The following GIGYF2 variants were observed in gnomAD, a reference collection of about 807,000 sequenced individuals.
GIGYF2 encodes GRB10-interacting GYF protein 2.
In GIGYF2, 25 loss-of-function variants were observed where a neutral mutation model predicts 208.1. The ratio of observed to expected loss-of-function variants is 0.12; its 90% CI spans 0.09 to 0.17. GIGYF2 has a LOEUF of 0.17. Ranked by LOEUF, GIGYF2 falls within the 10% of genes least tolerant of loss-of-function variation. The pLI is 1.00. For synonymous variants in GIGYF2, 534 were observed against 543.8 expected (o/e 0.98, Z 0.25); for missense variants, 1,302 against 1,579.4 (o/e 0.82, Z 2.98).
intron 8 of GIGYF2, among the ~76,000 whole-genome samples, chr2:232,781,510 C>T (rs191368172): frequency 7.2e-5 from 11 of 151,918 alleles, no homozygotes; most frequent in Admixed American, 5.9e-4. Context: ...CTGAAGTCAC[C>T]TTCTAAATAA....
intron 14 of GIGYF2, among the ~76,000 whole-genome samples, chr2:232,802,394 A>G (rs1187930658): frequency 1.3e-5 from 2 of 152,112 alleles, no homozygotes; most frequent in South Asian, 2.1e-4. Context: ...TGGGATTTTT[A>G]TATATGACTT....
intron 6 of GIGYF2, among the ~76,000 whole-genome samples, chr2:232,757,655 G>A (rs963531275): frequency 6.6e-6 from 1 of 151,998 alleles, no homozygotes. Context: ...TTGTACTTGG[G>A]CAGCTTTGCC....
intron 21 of GIGYF2, among the ~76,000 whole-genome samples, chr2:232,832,512 G>T (rs541136924): frequency 6.6e-6 from 1 of 152,280 alleles, no homozygotes; most frequent in East Asian, 1.9e-4. Flanking sequence ...AGCTCTTAGC[G>T]CTCAGCACCC....
intron 15 of GIGYF2, among the ~76,000 whole-genome samples, chr2:232,808,305 A>G (rs922770032): frequency 2.0e-5 from 3 of 152,230 alleles, no homozygotes; most frequent in African/African-American, 7.2e-5. Context: ...TTTTGATCTT[A>G]CACATCTCAG....
At chr2:232,735,698 G>T in intron 3 of GIGYF2, 2 of 989,484 alleles carry the variant, frequency 2.0e-6, no homozygotes, top group Non-Finnish European at 2.4e-6. Context: ...GTTAACAGTA[G>T]CCTATCTAGG....
intron 3 of GIGYF2, among the ~76,000 whole-genome samples, chr2:232,745,765 A>G (rs1698128478): frequency 6.6e-6 from 1 of 152,208 alleles, no homozygotes; most frequent in African/African-American, 2.4e-5. Context: ...AAATTACTGC[A>G]AGTATCACAA....
At chr2:232,839,992 G>A in intron 23 of GIGYF2, 21 bp downstream of exon 23, 1 of 1,611,712 alleles carries the variant, frequency 6.2e-7, no homozygotes, top group Non-Finnish European at 8.5e-7. Flanking sequence ...AAAGTAAAAG[G>A]GATCTAGTCA....
At chr2:232,821,670 A>G (rs918795122) in intron 21 of GIGYF2, among the ~76,000 whole-genome samples, 4 of 152,174 alleles carry the variant, frequency 2.6e-5, no homozygotes, top group African/African-American at 9.6e-5. Context: ...TCTTTTGATA[A>G]GCAGAGATTT....
chr2:232,844,012 G>A, intron 23 of GIGYF2, 34 bp from the exon 24 acceptor site: 5 of 1,598,312 alleles, frequency 3.1e-6, no homozygotes, highest in Non-Finnish European at 4.3e-6. Context: ...CTAAAAACAG[G>A]AATCCTCAGC....
At chr2:232,780,908 C>G (rs1699690966) in intron 8 of GIGYF2, among the ~76,000 whole-genome samples, 1 of 152,054 alleles carries the variant, frequency 6.6e-6, no homozygotes, top group South Asian at 2.1e-4. Flanking sequence ...ATGTCATCTT[C>G]TAAACTGCCC....
chr2:232,852,811 G>C (rs921625906), intron 28 of GIGYF2, among the ~76,000 whole-genome samples: 19 of 152,318 alleles, frequency 1.2e-4, no homozygotes, highest in Middle Eastern at 6.8e-3. Flanking sequence ...CTTGAGGATA[G>C]GCTGTTAGGG....
chr2:232,724,320 CG>C (rs570928463), intron 2 of GIGYF2, among the ~76,000 whole-genome samples: 2 of 148,918 alleles, frequency 1.3e-5, no homozygotes, highest in Non-Finnish European at 3.0e-5. Flanking sequence ...GGCCTCCTAA[CG>C]TGCTGGGATT....
intron 2 of GIGYF2, among the ~76,000 whole-genome samples, chr2:232,713,278 A>G (rs1013572755): frequency 2.6e-5 from 4 of 152,130 alleles, no homozygotes; most frequent in African/African-American, 9.7e-5. Flanking sequence ...GGGTTTCACC[A>G]TGTTGGCCAA....
At chr2:232,811,200 A>G in intron 16 of GIGYF2, 44 bp from the exon 17 acceptor site, 1 of 1,014,440 alleles carries the variant, frequency 9.9e-7, no homozygotes, top group Non-Finnish European at 1.6e-6. Flanking sequence ...CATGTGAACT[A>G]AGTGTGGATT....
At chr2:232,713,343 G>A (rs1473053453) in intron 2 of GIGYF2, among the ~76,000 whole-genome samples, 1 of 152,188 alleles carries the variant, frequency 6.6e-6, no homozygotes, top group Non-Finnish European at 1.5e-5. Flanking sequence ...CTCCCAAAGT[G>A]CTGGGATTAC....
chr2:232,711,104 A>T (rs1194594561), intron 2 of GIGYF2, among the ~76,000 whole-genome samples: 5 of 144,160 alleles, frequency 3.5e-5, no homozygotes, highest in African/African-American at 5.1e-5. Flanking sequence ...TTATTTGTTA[A>T]TTTTTTTTTT....
At chr2:232,819,666 T>A (rs941222165) in intron 20 of GIGYF2, among the ~76,000 whole-genome samples, 161 bp from the exon 21 acceptor site, 16 of 152,188 alleles carry the variant, frequency 1.1e-4, no homozygotes, top group Admixed American at 3.3e-4. Context: ...TTCCCCAATT[T>A]ACATGTATAC....
At chr2:232,737,729 A>C (rs1439681425) in intron 3 of GIGYF2, among the ~76,000 whole-genome samples, 1 of 152,164 alleles carries the variant, frequency 6.6e-6, no homozygotes, top group Non-Finnish European at 1.5e-5. Flanking sequence ...TAAATGAGAC[A>C]GAAGCACTAA....
chr2:232,766,950 G>A (rs1341624704), intron 8 of GIGYF2: 1 of 151,996 alleles, frequency 6.6e-6, no homozygotes, highest in East Asian at 1.9e-4. Flanking sequence ...TTTGGTTTTT[G>A]TTTTGTTTTA....
Sources: gnomAD v4.1 joint callset for allele counts (sites outside exome capture counted in the v4.1 genomes callset) on GRCh38, gnomAD v4.1.1 for gene constraint, MANE v1.5 for transcripts, NCBI Gene and HGNC (gene_info 2026-07-23, HGNC 2026-07-21) for gene names.